Variants in LINC00305 observed in about 807,000 individuals in gnomAD.
LINC00305 encodes the protein long independently transcribed non-coding RNA 305, also known as long intergenic non-protein coding RNA 305.
chr18:64,110,353 C>T (rs1307803679), intron 1 of LINC00305, among the ~76,000 whole-genome samples: 1 of 152,172 alleles, frequency 6.6e-6, no homozygotes, highest in East Asian at 1.9e-4. Context: ...CAGTAACATA[C>T]CTTAAGCTGG....
chr18:64,115,253 A>G (rs2051332524), intron 1 of LINC00305, among the ~76,000 whole-genome samples: 1 of 152,238 alleles, frequency 6.6e-6, no homozygotes, highest in South Asian at 2.1e-4. Context: ...CACTGTACAT[A>G]CGCAGGCATC....
chr18:64,115,575 T>C (rs1362289837), intron 1 of LINC00305, among the ~76,000 whole-genome samples: 1 of 152,122 alleles, frequency 6.6e-6, no homozygotes, highest in Non-Finnish European at 1.5e-5. Flanking sequence ...TAAGATATTA[T>C]AGAACATTTT....
At chr18:64,121,870 C>G (rs2051363625) in intron 1 of LINC00305, among the ~76,000 whole-genome samples, 1 of 152,000 alleles carries the variant, frequency 6.6e-6, no homozygotes, top group South Asian at 2.1e-4. Flanking sequence ...ATTATCTTTT[C>G]AATAATAGCC....
intron 1 of LINC00305, among the ~76,000 whole-genome samples, chr18:64,108,429 G>A (rs1304212798): frequency 6.6e-6 from 1 of 152,132 alleles, no homozygotes; most frequent in Non-Finnish European, 1.5e-5. Context: ...GAGAAGGAAA[G>A]ATGAAAACTC....
intron 3 of LINC00305, among the ~76,000 whole-genome samples, chr18:64,086,012 G>T (rs2051201939): frequency 6.6e-6 from 1 of 152,180 alleles, no homozygotes; most frequent in Non-Finnish European, 1.5e-5. Flanking sequence ...GTTACACACA[G>T]AATATGTTCT....
chr18:64,118,802 A>T (rs1422758659), intron 1 of LINC00305, among the ~76,000 whole-genome samples: 1 of 150,698 alleles, frequency 6.6e-6, no homozygotes, highest in African/African-American at 2.5e-5. Context: ...AAATAAGCCT[A>T]CTTGATCAAG....
chr18:64,091,248 A>T (rs776718021), intron 3 of LINC00305, among the ~76,000 whole-genome samples: 1 of 152,194 alleles, frequency 6.6e-6, no homozygotes, highest in Middle Eastern at 3.2e-3. Context: ...ACTGATAGAC[A>T]TAATATATGC....
chr18:64,094,733 G>A (rs2051238177), intron 3 of LINC00305, among the ~76,000 whole-genome samples: 1 of 151,962 alleles, frequency 6.6e-6, no homozygotes, highest in Admixed American at 6.6e-5. Context: ...TGTGTTGGCA[G>A]GTGCCTGTAA....
chr18:64,085,528 T>C (rs762743127), intron 3 of LINC00305, among the ~76,000 whole-genome samples: 12 of 152,090 alleles, frequency 7.9e-5, no homozygotes, highest in Non-Finnish European at 2.9e-5. Context: ...AGTGGCACAA[T>C]CTCGGCTCAC....
intron 1 of LINC00305, chr18:64,139,475 T>G (rs2144276523): frequency 6.6e-6 from 1 of 152,340 alleles, no homozygotes; most frequent in Non-Finnish European, 1.5e-5. Flanking sequence ...ACATGCAGCA[T>G]TTTATTGGTG....
rs553817535 is a variant in LINC00305 at position 64,128,282 on chromosome 18, A to C, written n.314+20493T>G. On this transcript the variant is annotated intron_variant and non_coding_transcript_variant, in intron 1 of 3. Transcript: ENST00000666468. ...GTAGAAAGAGCCTAGCTATTCATCA[A>C]CTTGGCTTATTTGACCCAAATGAGG... is the stretch of plus-strand genomic sequence containing the variant. Among the ~76,000 whole-genome samples, 3 of 152,240 alleles carry C rather than the reference A, an allele frequency of 2.0e-5. No individual in the cohort carries two copies. The South Asian group carries it at 6.2e-4, about 32-fold the overall frequency.
intron 1 of LINC00305, among the ~76,000 whole-genome samples, chr18:64,143,868 A>G (rs2051484324): frequency 6.6e-6 from 1 of 152,064 alleles, no homozygotes; most frequent in Non-Finnish European, 1.5e-5. Flanking sequence ...ACATACATAC[A>G]TATATGTATA....
intron 1 of LINC00305, among the ~76,000 whole-genome samples, chr18:64,122,999 G>T (rs1463877887): frequency 1.3e-5 from 2 of 151,824 alleles, no homozygotes; most frequent in East Asian, 1.9e-4. Flanking sequence ...GATTGTAATT[G>T]GTATATAGAA....
At chr18:64,096,365 C>T (rs561172387) in intron 3 of LINC00305, among the ~76,000 whole-genome samples, 15 of 151,502 alleles carry the variant, frequency 9.9e-5, no homozygotes, top group East Asian at 1.9e-4. Flanking sequence ...TATCAATGTC[C>T]GAAACAGCAA....
chr18:64,137,932 TAA>T, intron 1 of LINC00305, among the ~76,000 whole-genome samples: 1 of 152,240 alleles, frequency 6.6e-6, no homozygotes, highest in East Asian at 1.9e-4. Flanking sequence ...CTAAACTCCT[TAA>T]AGTTTTCTTT....
rs770644268 is a variant in LINC00305, at chr18:64,111,334, G to A, written n.315-12694C>T. Among the ~76,000 whole-genome samples, 4 of 152,026 alleles carry A rather than the reference G, an allele frequency of 2.6e-5. No homozygotes were observed. The East Asian group carries it at 5.8e-4, about 22-fold the overall frequency. ...ATGATGAGACTGTAAATCTCTTGGC[G>A]GAGAGGATTTGACCTTCCTCACCTC... On this transcript the variant is annotated intron_variant and non_coding_transcript_variant, in intron 1 of 3. Transcript: ENST00000666468.
intron 1 of LINC00305, among the ~76,000 whole-genome samples, chr18:64,143,614 GTA>G (rs1304548679): frequency 7.5e-5 from 8 of 106,868 alleles, no homozygotes; most frequent in Non-Finnish European, 1.4e-4. Flanking sequence ...ATGTACATAT[GTA>G]CACATATGTA....
In LINC00305 at chr18:64,126,448, G is replaced by A. The variant is rs181284188; in HGVS notation, n.314+22327C>T. On this transcript the variant is annotated intron_variant and non_coding_transcript_variant, in intron 1 of 3. Coordinates refer to ENST00000666468, the Ensembl canonical transcript of LINC00305. ...GACTACTATTTTTTTCTCTAAAATC[G>A]AAATAGGCATTATTAGGCCCCTTCT... Among the ~76,000 whole-genome samples the A allele has an allele frequency of 4.0e-5, 6 of 151,704 alleles. No individual in the cohort carries two copies. In the East Asian group the frequency reaches 5.8e-4, roughly 15 times the overall value.
intron 1 of LINC00305, among the ~76,000 whole-genome samples, chr18:64,124,199 A>G (rs1242964301): frequency 6.6e-6 from 1 of 152,152 alleles, no homozygotes; most frequent in Non-Finnish European, 1.5e-5. Flanking sequence ...CTTCTCCAGG[A>G]ATGACAGTCA....
Sources: allele counts gnomAD v4.1 joint callset (sites outside exome capture counted in the v4.1 genomes callset), GRCh38; gene constraint gnomAD v4.1.1; transcripts MANE v1.5; gene names NCBI Gene and HGNC (gene_info 2026-07-23, HGNC 2026-07-21).